The following ETFDH variants were observed in gnomAD, a reference collection of about 807,000 sequenced individuals.
The protein encoded by ETFDH is electron transfer flavoprotein dehydrogenase, also known as electron transfer flavoprotein-ubiquinone oxidoreductase, mitochondrial.
In ETFDH, 61 loss-of-function variants were observed where a neutral mutation model predicts 73.2. That is an observed-to-expected ratio of 0.83 (90% CI 0.68 to 1.03). The LOEUF (loss-of-function observed/expected upper bound fraction) is 1.03. Among genes scored for constraint, ETFDH ranks in the 50% least tolerant of loss-of-function variants. ETFDH has a pLI of 0.00. For synonymous variants in ETFDH, 243 were observed against 253.3 expected (o/e 0.96, Z 0.39); for missense variants, 685 against 745.0 (o/e 0.92, Z 0.94).
chr4:158,702,062 T>A (rs1467783565), intron 9 of ETFDH, among the ~76,000 whole-genome samples: 1 of 152,188 alleles, frequency 6.6e-6, no homozygotes, highest in Non-Finnish European at 1.5e-5. Flanking sequence ...AGCATAGGTT[T>A]CTATCCCTAG....
intron 3 of ETFDH, among the ~76,000 whole-genome samples, chr4:158,683,193 G>A (rs570177158): frequency 1.6e-4 from 24 of 152,238 alleles, no homozygotes; most frequent in African/African-American, 5.8e-4. Context: ...GATATACAGA[G>A]GACCAAGTCC....
chr4:158,685,191 A>C lies in ETFDH; in HGVS notation c.578A>C (p.Glu193Ala). 3 of 1,607,836 alleles carry C rather than the reference A, an allele frequency of 1.9e-6. No individual in the cohort carries two copies. In the South Asian group the frequency reaches 3.3e-5, roughly 18 times the overall value. The change falls in exon 5 of 13, where the codon GAA becomes GCA. Residue 193 changes from glutamate (E) to alanine (A), a missense_variant. Glu to Ala is a moderately radical substitution (Grantham distance 107, BLOSUM62 -1). Coordinates refer to ENST00000511912, the MANE Select transcript of ETFDH (RefSeq NM_004453.4). ...GAACAAGCAGAAGCCCTTGGTGTTG[A>C]AGTATACCCTGGTTATGCAGCTGCT... The part of the protein sequence containing the change: ...MGEQAEALGV[E>A]VYPGYAAAEV...
At position 158,682,372 on chromosome 4, in the gene ETFDH, G is replaced by T. The variant is rs1467428857; in HGVS notation, c.353G>T (p.Cys118Phe). The stretch of plus-strand genomic sequence containing the variant: ...GGAGCTCATACTCTCTCAGGGGCTT[G>T]CCTTGATCCAGGTGCTTTTAAAGAA... Reference protein sequence around the residue: ...QIGAHTLSGACLDPGAFKELF... With the variant: ...QIGAHTLSGAFLDPGAFKELF... The change falls in exon 3 of 13, where the codon TGC becomes TTC. Residue 118 changes from cysteine to phenylalanine, a missense_variant. Cys to Phe is a radical substitution (Grantham distance 205). Around this residue, in one of 3 missense-constraint regions of ETFDH, gnomAD observed 405 missense variants for 399.3 expected, o/e 1.01. Coordinates refer to ENST00000511912, the MANE Select transcript of ETFDH (RefSeq NM_004453.4). 3.1e-6 allele frequency: 5 copies of T among 1,614,178 alleles called. No homozygotes were observed. The highest frequency in any genetic ancestry group is 2.2e-5 in the East Asian group (1 of 44,886).
intron 9 of ETFDH, among the ~76,000 whole-genome samples, chr4:158,700,516 G>T (rs1774430110): frequency 6.7e-6 from 1 of 149,472 alleles, no homozygotes; most frequent in Admixed American, 6.7e-5. Context: ...CATGTCAAAT[G>T]ATTTGCAAAT....
rs1773892081 is a variant in ETFDH, at chr4:158,682,559, G to A, written c.405+135G>A. The A allele has an allele frequency of 1.4e-5, 10 of 717,260 alleles. 1 individual carries two copies. The South Asian group carries it at 1.7e-4, about 12-fold the overall frequency. 44.4% of individuals were successfully genotyped at this position (717,260 alleles called of 1,614,324 possible). ...TTTTTTTTTCTTTTTTTGAGATGGA[G>A]TTTCACTCTTGTTGCCCAGGCTGGA... On this transcript the variant is annotated intron_variant, in intron 3 of 12. Transcript: ENST00000511912.
chr4:158,680,751 C>A, intron 2 of ETFDH, 144 bp downstream of exon 2: 1 of 709,198 alleles, frequency 1.4e-6, no homozygotes, highest in Non-Finnish European at 2.5e-6. Flanking sequence ...TGCATAATGA[C>A]CCTTCAGTCA....
intron 11 of ETFDH, 63 bp downstream of exon 11, chr4:158,706,434 T>C (rs1425277159): frequency 4.6e-5 from 61 of 1,325,330 alleles, no homozygotes; most frequent in Non-Finnish European, 6.5e-5. Context: ...ATCTGTTAAT[T>C]AGAGAAAGTG....
intron 1 of ETFDH, among the ~76,000 whole-genome samples, chr4:158,675,742 C>G (rs1773695064): frequency 6.7e-6 from 1 of 149,424 alleles, no homozygotes; most frequent in South Asian, 2.1e-4. Flanking sequence ...GCATTCCACC[C>G]TTGGTGACAG....
intron 12 of ETFDH, among the ~76,000 whole-genome samples, chr4:158,707,074 C>CT (rs940303898): frequency 6.0e-5 from 9 of 149,582 alleles, no homozygotes; most frequent in African/African-American, 2.2e-4. Context: ...TACACTCAGA[C>CT]TAAGATGAAG....
chr4:158,674,033 AG>A (rs1773652173), intron 1 of ETFDH, among the ~76,000 whole-genome samples: 2 of 152,368 alleles, frequency 1.3e-5, no homozygotes, highest in Admixed American at 1.3e-4. Flanking sequence ...CAGACTACAC[AG>A]TTCCAAATAT....
intron 1 of ETFDH, 97 bp downstream of exon 1, chr4:158,672,587 A>G: frequency 8.0e-7 from 1 of 1,254,302 alleles, no homozygotes; most frequent in Non-Finnish European, 1.2e-6. Context: ...CCCTTCTCTC[A>G]TCAGCTTTCT....
At chr4:158,682,900 A>G (rs957409458) in intron 3 of ETFDH, among the ~76,000 whole-genome samples, 13 of 152,182 alleles carry the variant, frequency 8.5e-5, no homozygotes, top group African/African-American at 2.2e-4. Flanking sequence ...CAGAATTGTA[A>G]TTTATGATAT....
chr4:158,673,855 G>A (rs1367324213), intron 1 of ETFDH, among the ~76,000 whole-genome samples: 1 of 152,222 alleles, frequency 6.6e-6, no homozygotes, highest in Non-Finnish European at 1.5e-5. Context: ...ACACCAATGT[G>A]CCATCAGTGT....
At chr4:158,700,030 A>T (rs1774415784) in intron 9 of ETFDH, among the ~76,000 whole-genome samples, 1 of 152,196 alleles carries the variant, frequency 6.6e-6, no homozygotes. Flanking sequence ...TAAAATAAAG[A>T]TGATCCCTCT....
rs1408118210 is a variant in ETFDH at position 158,706,813 on chromosome 4, G to A, written c.1653G>A (p.Ser551=). The change falls in exon 12 of 13, where the codon TCG becomes TCA. Residue 551 remains serine, a synonymous_variant. Transcript: ENST00000511912. The part of the protein sequence containing the change: ...DDSIPVNRNL[S]IYDGPEQRFC... ...GTATACCTGTAAATAGAAATCTGTC[G>A]ATATATGATGGGCCCGAGCAGCGAT... The A allele has an allele frequency of 7.4e-6, 12 of 1,612,870 alleles. No homozygotes were observed. Among genetic ancestry groups the A allele is most frequent in the African/African-American group, 1.3e-5 (1 of 74,870 alleles).
chr4:158,692,183 G>A (rs1431842369), intron 6 of ETFDH, among the ~76,000 whole-genome samples: 1 of 151,810 alleles, frequency 6.6e-6, no homozygotes, highest in Non-Finnish European at 1.5e-5. Context: ...CACGAGGTCA[G>A]GAGATAGAGA....
intron 9 of ETFDH, among the ~76,000 whole-genome samples, chr4:158,702,875 G>A (rs1561249509): frequency 3.3e-5 from 5 of 152,098 alleles, no homozygotes. Flanking sequence ...TCTATTTGTA[G>A]CTTTTTTAAG....
intron 2 of ETFDH, among the ~76,000 whole-genome samples, chr4:158,681,314 C>G (rs907790180): frequency 6.6e-6 from 1 of 151,906 alleles, no homozygotes; most frequent in Non-Finnish European, 1.5e-5. Flanking sequence ...AAGAAAGAAA[C>G]TTATAGAAAA....
intron 6 of ETFDH, among the ~76,000 whole-genome samples, chr4:158,692,398 TC>T (rs1305343243): frequency 3.3e-5 from 1 of 30,098 alleles, no homozygotes; most frequent in African/African-American, 1.0e-4. Context: ...AGACACCGTC[TC>T]AAAAAAAAAA....
Sources: allele counts gnomAD v4.1 joint callset (sites outside exome capture counted in the v4.1 genomes callset), GRCh38; gene constraint gnomAD v4.1.1; regional missense constraint gnomAD v4.1.1; transcripts MANE v1.5; gene names NCBI Gene and HGNC (gene_info 2026-07-23, HGNC 2026-07-21).